Variants in CSRNP3 observed in about 807,000 individuals in gnomAD.
CSRNP3 encodes the protein cysteine/serine-rich nuclear protein 3.
In CSRNP3, 12 loss-of-function variants were observed where a neutral mutation model predicts 48.0. The observed-to-expected ratio is 0.25, with a 90% CI of 0.16 to 0.41. The LOEUF (loss-of-function observed/expected upper bound fraction) is 0.41, where lower values mean the gene tolerates loss of function less well. Among genes scored for constraint, CSRNP3 ranks in the 10% least tolerant of loss-of-function variants. CSRNP3 has a pLI of 1.00. For synonymous variants in CSRNP3, 263 were observed against 269.7 expected (o/e 0.98, Z 0.24); for missense variants, 580 against 724.4 (o/e 0.80, Z 2.29).
intron 5 of CSRNP3, among the ~76,000 whole-genome samples, chr2:165,666,688 GTGTT>G (rs140212722): frequency 0.99 from 40,326 of 40,684 alleles, 20,111 homozygotes; most frequent in Middle Eastern, 1. Context: ...AGAGAGAGTG[GTGTT>G]AAGAGAGAGA....
In CSRNP3 at chr2:165,628,732, A is replaced by T. The variant is rs149525642; in HGVS notation, c.149-29029A>T. 2.0e-5 allele frequency among the ~76,000 whole-genome samples: 3 copies of T among 152,108 alleles called. No homozygotes were observed. The East Asian group carries it at 5.8e-4, about 30-fold the overall frequency. ...AGAGCAAAACTCTGTCTCCAAAAAA[A>T]ATAAATCAGTATCCTGTGGGAACCA... On this transcript the variant is annotated intron_variant, in intron 4 of 6. Transcript: ENST00000651982.
intron 3 of CSRNP3, among the ~76,000 whole-genome samples, chr2:165,536,725 G>A (rs1684886966): frequency 6.6e-6 from 1 of 151,862 alleles, no homozygotes; most frequent in South Asian, 2.1e-4. Context: ...ACTTCTGGCA[G>A]AATCTGCTCA....
chr2:165,649,970 G>C (rs764626835), intron 4 of CSRNP3, among the ~76,000 whole-genome samples: 5 of 152,000 alleles, frequency 3.3e-5, no homozygotes, highest in African/African-American at 7.2e-5. Flanking sequence ...GTGATTGTTA[G>C]TATGTGTTTT....
chr2:165,634,289 G>C (rs1686591085), intron 4 of CSRNP3, among the ~76,000 whole-genome samples: 1 of 152,088 alleles, frequency 6.6e-6, no homozygotes, highest in Non-Finnish European at 1.5e-5. Context: ...GCAGTGAGCT[G>C]AGATCGCACC....
intron 3 of CSRNP3, among the ~76,000 whole-genome samples, chr2:165,576,683 C>T (rs1685456636): frequency 6.6e-6 from 1 of 151,956 alleles, no homozygotes; most frequent in Non-Finnish European, 1.5e-5. Flanking sequence ...ATAGCTCGAG[C>T]CATACTACTT....
intron 3 of CSRNP3, among the ~76,000 whole-genome samples, chr2:165,580,728 T>C (rs1685530100): frequency 6.6e-6 from 1 of 152,212 alleles, no homozygotes; most frequent in African/African-American, 2.4e-5. Flanking sequence ...CATTGCCTCA[T>C]CTGTTTTGTT....
chr2:165,630,743 G>A (rs1002494542), intron 4 of CSRNP3, among the ~76,000 whole-genome samples: 2 of 152,220 alleles, frequency 1.3e-5, no homozygotes, highest in African/African-American at 4.8e-5. Flanking sequence ...CCACCCTGTA[G>A]TGGGAATTTT....
intron 4 of CSRNP3, among the ~76,000 whole-genome samples, chr2:165,653,013 G>A (rs1468227563): frequency 1.3e-5 from 2 of 152,160 alleles, no homozygotes; most frequent in African/African-American, 4.8e-5. Context: ...ATATCAGGGA[G>A]GTTTCAGATT....
chr2:165,563,527 T>A (rs190028733), intron 3 of CSRNP3, among the ~76,000 whole-genome samples: 9 of 152,316 alleles, frequency 5.9e-5, no homozygotes, highest in Non-Finnish European at 1.2e-4. Context: ...TCGCGAATCA[T>A]TCATTGCTCA....
At chr2:165,599,661 C>G (rs955339240) in intron 4 of CSRNP3, among the ~76,000 whole-genome samples, 1 of 152,130 alleles carries the variant, frequency 6.6e-6, no homozygotes, top group Non-Finnish European at 1.5e-5. Flanking sequence ...AAATGTATTT[C>G]AGATTATTTG....
intron 4 of CSRNP3, among the ~76,000 whole-genome samples, chr2:165,630,520 G>C (rs1356208402): frequency 6.6e-6 from 1 of 152,058 alleles, no homozygotes; most frequent in African/African-American, 2.4e-5. Context: ...ACTCCTTGTC[G>C]GGACCCATGA....
intron 2 of CSRNP3, among the ~76,000 whole-genome samples, chr2:165,507,524 T>A (rs1684443674): frequency 6.6e-6 from 1 of 152,174 alleles, no homozygotes; most frequent in Non-Finnish European, 1.5e-5. Flanking sequence ...AAGGCATCTA[T>A]TGTGATGCCT....
chr2:165,573,606 G>A (rs1685404330), intron 3 of CSRNP3, among the ~76,000 whole-genome samples: 1 of 152,136 alleles, frequency 6.6e-6, no homozygotes, highest in Non-Finnish European at 1.5e-5. Flanking sequence ...TTTGACTGCT[G>A]TATTGTTTTA....
At chr2:165,611,453 T>C (rs971538798) in intron 4 of CSRNP3, among the ~76,000 whole-genome samples, 1 of 152,096 alleles carries the variant, frequency 6.6e-6, no homozygotes, top group African/African-American at 2.4e-5. Flanking sequence ...CAATGTTGTC[T>C]GTCAAATTAA....
At chr2:165,542,847 G>T (rs573272170) in intron 3 of CSRNP3, among the ~76,000 whole-genome samples, 2 of 152,062 alleles carry the variant, frequency 1.3e-5, no homozygotes, top group Non-Finnish European at 2.9e-5. Flanking sequence ...GAATAGACAC[G>T]ATTATGTAGG....
At chr2:165,614,075 T>A (rs907534499) in intron 4 of CSRNP3, among the ~76,000 whole-genome samples, 2 of 152,136 alleles carry the variant, frequency 1.3e-5, no homozygotes. Flanking sequence ...ATGTCTTTCA[T>A]CAGACATTTC....
rs573937083 is a variant in CSRNP3 at position 165,584,830 on chromosome 2, G to T, written c.-23-10213G>T. Among the ~76,000 whole-genome samples, 176 of 152,242 alleles carry T rather than the reference G, an allele frequency of 1.2e-3. 1 individual carries two copies. Among genetic ancestry groups the T allele is most frequent in the Non-Finnish European group, 2.0e-3 (139 of 68,022 alleles). ...CTTTTGGCTTCCATGGGCCATATTA[G>T]AAAAGAAGAATTGTCTTGTGCCACA... On this transcript the variant is annotated intron_variant, in intron 3 of 6. Coordinates refer to ENST00000651982, the MANE Select transcript of CSRNP3 (RefSeq NM_001172173.2).
intron 3 of CSRNP3, among the ~76,000 whole-genome samples, chr2:165,518,601 T>C (rs1463132606): frequency 6.6e-6 from 1 of 152,052 alleles, no homozygotes; most frequent in African/African-American, 2.4e-5. Flanking sequence ...AATATTCATT[T>C]AGAAGTTATA....
chr2:165,605,923 C>T (rs112293569), intron 4 of CSRNP3, among the ~76,000 whole-genome samples: 2,944 of 152,038 alleles, frequency 0.019, 88 homozygotes, highest in African/African-American at 0.065. Flanking sequence ...GTGCATGGAA[C>T]AAATAGGGAG....
Sources: allele counts gnomAD v4.1 joint callset (sites outside exome capture counted in the v4.1 genomes callset), GRCh38; gene constraint gnomAD v4.1.1; transcripts MANE v1.5; gene names NCBI Gene and HGNC (gene_info 2026-07-23, HGNC 2026-07-21).